Variants in CFAP54 observed in about 807,000 individuals in gnomAD.
CFAP54 encodes the protein cilia- and flagella-associated protein 54.
In CFAP54, 290 loss-of-function variants were observed where a neutral mutation model predicts 370.4. The ratio of observed to expected loss-of-function variants is 0.78; its 90% CI spans 0.71 to 0.86. The LOEUF is 0.86. Among genes scored for constraint, CFAP54 ranks in the 40% least tolerant of loss-of-function variants. CFAP54 has a pLI of 0.00. For synonymous variants in CFAP54, 1,206 were observed against 1,236.5 expected, an observed-to-expected ratio of 0.98 and a Z score of 0.52; for missense variants, 3,399 against 3,528.7, an observed-to-expected ratio of 0.96 and a Z score of 0.93.
At chr12:96,528,434 A>T (rs560696409) in intron 9 of CFAP54, among the ~76,000 whole-genome samples, 1 of 152,264 alleles carries the variant, frequency 6.6e-6, no homozygotes, top group East Asian at 1.9e-4. Flanking sequence ...GGTTTCGCTC[A>T]CAAGGTCATA....
Position 96,630,204 on chromosome 12 carries a change from A to G in CFAP54, c.4215A>G (p.Arg1405=). The change falls in exon 31 of 68, where the codon AGA becomes AGG. Residue 1405 remains arginine (R), a splice_region_variant and synonymous_variant. Coordinates refer to ENST00000524981, the MANE Select transcript of CFAP54 (RefSeq NM_001306084.2). ...KFKAAVMEIG[R]SAEMQQRIRS... Reference sequence around the variant, plus strand: ...AAGCTGCAGTAATGGAAATTGGAAGAGTAAGTTTCCTATGAGTTTTGAATT... The same window carrying G: ...AAGCTGCAGTAATGGAAATTGGAAGGGTAAGTTTCCTATGAGTTTTGAATT... 1 of 1,443,912 alleles carries G rather than the reference A, an allele frequency of 6.9e-7. No homozygotes were observed. The highest frequency in any genetic ancestry group is 1.3e-5 in the South Asian group (1 of 79,628). The allele number at this position is 1,443,912 out of a possible 1,614,324, so 89.4% of individuals were successfully genotyped here.
chr12:96,678,019 C>T (rs151304153), intron 39 of CFAP54, among the ~76,000 whole-genome samples: 121 of 152,306 alleles, frequency 7.9e-4, no homozygotes, highest in African/African-American at 2.6e-3. Context: ...GGGTCATTGT[C>T]TGTTACCCAA....
At chr12:96,742,680 T>G in intron 52 of CFAP54, 94 bp downstream of exon 52, 1 of 1,242,010 alleles carries the variant, frequency 8.1e-7, no homozygotes, top group Non-Finnish European at 1.1e-6. Flanking sequence ...TGTTAATGTT[T>G]TATAACTTTC....
intron 46 of CFAP54, among the ~76,000 whole-genome samples, chr12:96,703,271 G>A (rs1957511625): frequency 6.6e-6 from 1 of 152,184 alleles, no homozygotes; most frequent in Non-Finnish European, 1.5e-5. Flanking sequence ...GAGTGTGAAC[G>A]AGAAGGTCAC....
intron 9 of CFAP54, among the ~76,000 whole-genome samples, chr12:96,529,363 AT>A (rs1013587237): frequency 6.6e-6 from 1 of 152,244 alleles, no homozygotes; most frequent in African/African-American, 2.4e-5. Flanking sequence ...TATGTTAAAC[AT>A]CTGCTATGCA....
intron 65 of CFAP54, among the ~76,000 whole-genome samples, chr12:96,820,581 C>G (rs544103971): frequency 2.0e-5 from 3 of 152,208 alleles, no homozygotes; most frequent in African/African-American, 7.2e-5. Context: ...GGGCAGATGT[C>G]TTAGAATTTT....
intron 26 of CFAP54, among the ~76,000 whole-genome samples, chr12:96,613,495 C>G (rs2136457115): frequency 6.6e-6 from 1 of 152,188 alleles, no homozygotes; most frequent in East Asian, 1.9e-4. Flanking sequence ...CAAAAGCTAG[C>G]AGAAGACAAG....
At chr12:96,571,437 G>A (rs2368079) in intron 19 of CFAP54, among the ~76,000 whole-genome samples, 18,704 of 152,206 alleles carry the variant, frequency 0.12, 1,236 homozygotes, top group Middle Eastern at 0.19. Context: ...GAGTCCCCGT[G>A]ATAGGTAAAG....
At chr12:96,827,093 A>G (rs376814917) in intron 65 of CFAP54, among the ~76,000 whole-genome samples, 14 of 123,520 alleles carry the variant, frequency 1.1e-4, no homozygotes, top group South Asian at 2.4e-4. Flanking sequence ...ATTATATATA[A>G]TGTGCAATTA....
chr12:96,746,356 T>G (rs1263069697), intron 55 of CFAP54, among the ~76,000 whole-genome samples: 5 of 152,102 alleles, frequency 3.3e-5, no homozygotes, highest in Admixed American at 2.6e-4. Context: ...TTCCTCTTCT[T>G]TCCTCCCCTC....
chr12:96,666,038 A>G (rs1957075864), intron 39 of CFAP54, among the ~76,000 whole-genome samples: 1 of 152,132 alleles, frequency 6.6e-6, no homozygotes, highest in Non-Finnish European at 1.5e-5. Context: ...TCACTTCCAT[A>G]TTTAGCTGTA....
intron 1 of CFAP54, among the ~76,000 whole-genome samples, chr12:96,492,395 A>G (rs1335972508): frequency 6.6e-6 from 1 of 152,064 alleles, no homozygotes; most frequent in Non-Finnish European, 1.5e-5. Context: ...CAGAGCCTTT[A>G]TATTTGCCAT....
chr12:96,773,812 C>T (rs773568436), intron 60 of CFAP54, among the ~76,000 whole-genome samples: 4 of 152,232 alleles, frequency 2.6e-5, no homozygotes, highest in African/African-American at 4.8e-5. Flanking sequence ...TTCATCTGTA[C>T]ATCTTATACA....
intron 66 of CFAP54, among the ~76,000 whole-genome samples, chr12:96,837,752 A>G (rs1959190900): frequency 6.6e-6 from 1 of 152,214 alleles, no homozygotes; most frequent in South Asian, 2.1e-4. Context: ...TACAGTAAAC[A>G]TTTGTGAAGT....
chr12:96,711,610 A>C (rs1020189984), intron 48 of CFAP54, among the ~76,000 whole-genome samples: 1 of 152,230 alleles, frequency 6.6e-6, no homozygotes, highest in Non-Finnish European at 1.5e-5. Context: ...ATCTTTCTCC[A>C]AATACCACAG....
chr12:96,809,574 G>A (rs1423221174), intron 63 of CFAP54, among the ~76,000 whole-genome samples: 1 of 152,018 alleles, frequency 6.6e-6, no homozygotes, highest in African/African-American at 2.4e-5. Context: ...GGTTTCATTG[G>A]AGTTTTCTCC....
intron 42 of CFAP54, among the ~76,000 whole-genome samples, 189 bp downstream of exon 42, chr12:96,685,427 G>A (rs1957317689): frequency 6.6e-6 from 1 of 152,152 alleles, no homozygotes; most frequent in African/African-American, 2.4e-5. Context: ...TCTTCTTCCT[G>A]TAACACAACT....
chr12:96,734,091 T>TA (rs1957954492), intron 50 of CFAP54, among the ~76,000 whole-genome samples: 1 of 152,114 alleles, frequency 6.6e-6, no homozygotes, highest in Admixed American at 6.6e-5. Context: ...TTATTTTAAA[T>TA]AAAAAACAAG....
At chr12:96,630,783 A>G (rs1282451112) in intron 32 of CFAP54, 132 bp downstream of exon 32, 1 of 451,926 alleles carries the variant, frequency 2.2e-6, no homozygotes, top group Non-Finnish European at 3.8e-6. Flanking sequence ...CTTACATACT[A>G]ATGAAAAAAG....
Sources: allele counts gnomAD v4.1 joint callset (sites outside exome capture counted in the v4.1 genomes callset), GRCh38; gene constraint gnomAD v4.1.1; transcripts MANE v1.5; gene names NCBI Gene and HGNC (gene_info 2026-07-23, HGNC 2026-07-21).